The following DACH1 variants were observed in gnomAD, a reference collection of about 807,000 sequenced individuals.
DACH1 encodes the protein dachshund family transcription factor 1.
In DACH1, 12 loss-of-function variants were observed where a neutral mutation model predicts 54.2. The observed-to-expected ratio is 0.22, with a 90% CI of 0.14 to 0.36. DACH1 has a LOEUF of 0.36. Among genes scored for constraint, DACH1 ranks in the 10% least tolerant of loss-of-function variants. The pLI, the probability that DACH1 is intolerant of heterozygous loss-of-function variation, is 1.00. For missense variants in DACH1, 805 were observed against 929.8 expected (o/e 0.87, Z 1.75); for synonymous variants, 386 against 366.2 (o/e 1.05, Z -0.62).
chr13:71,779,647 CA>C (rs1273564231), intron 1 of DACH1, among the ~76,000 whole-genome samples: 1 of 151,994 alleles, frequency 6.6e-6, no homozygotes, highest in Non-Finnish European at 1.5e-5. Context: ...ATAACCACAC[CA>C]AACAAAAATA....
At chr13:71,857,651 T>A (rs1874089734) in intron 1 of DACH1, among the ~76,000 whole-genome samples, 1 of 151,768 alleles carries the variant, frequency 6.6e-6, no homozygotes. Flanking sequence ...CACAAGAACA[T>A]TCATCCTCAT....
chr13:71,638,258 T>C (rs1354060111), intron 2 of DACH1, among the ~76,000 whole-genome samples: 2 of 152,176 alleles, frequency 1.3e-5, no homozygotes, highest in Admixed American at 6.6e-5. Context: ...CTTATAAATA[T>C]CTCATCACTC....
chr13:71,826,650 TATA>T (rs1047964404), intron 1 of DACH1, among the ~76,000 whole-genome samples: 2 of 152,162 alleles, frequency 1.3e-5, no homozygotes, highest in African/African-American at 4.8e-5. Flanking sequence ...ATTAATTATA[TATA>T]ATGATGCCTA....
intron 6 of DACH1, among the ~76,000 whole-genome samples, chr13:71,552,870 GAGAGAGAGAGAAAGAGAC>G (rs1883967018): frequency 7.6e-6 from 1 of 131,542 alleles, no homozygotes; most frequent in Non-Finnish European, 1.6e-5. Flanking sequence ...GAGAGAGAGA[GAGAGAGAGAGAAAGAGAC>G]AGAACTAATA....
chr13:71,817,496 A>G (rs987993103), intron 1 of DACH1, among the ~76,000 whole-genome samples: 17 of 152,244 alleles, frequency 1.1e-4, no homozygotes, highest in African/African-American at 3.1e-4. Flanking sequence ...CTAGGGACAC[A>G]CCAGGGAACT....
intron 1 of DACH1, among the ~76,000 whole-genome samples, chr13:71,838,343 A>G (rs568647381): frequency 6.6e-6 from 1 of 152,328 alleles, no homozygotes; most frequent in South Asian, 2.1e-4. Flanking sequence ...AGAACAACAC[A>G]TTATTCTCCA....
chr13:71,669,099 ACT>A (rs1880055969), intron 2 of DACH1, among the ~76,000 whole-genome samples: 1 of 151,946 alleles, frequency 6.6e-6, no homozygotes, highest in Non-Finnish European at 1.5e-5. Context: ...TCATCATAAA[ACT>A]CTGAATCGGA....
intron 1 of DACH1, among the ~76,000 whole-genome samples, chr13:71,748,954 C>T (rs7983994): frequency 0.39 from 16,559 of 42,916 alleles, 2,337 homozygotes; most frequent in Non-Finnish European, 0.5. Flanking sequence ...CTTTCTTTCT[C>T]TCTTTCTTTC....
At chr13:71,666,994 A>G (rs1879885255) in intron 2 of DACH1, among the ~76,000 whole-genome samples, 1 of 152,116 alleles carries the variant, frequency 6.6e-6, no homozygotes, top group African/African-American at 2.4e-5. Context: ...TAAATAAATA[A>G]AAATAAAAAC....
chr13:71,461,528 A>G (rs1876074959), intron 10 of DACH1, among the ~76,000 whole-genome samples: 1 of 152,010 alleles, frequency 6.6e-6, no homozygotes, highest in South Asian at 2.1e-4. Flanking sequence ...TTGCATATAA[A>G]TATGTATTTG....
intron 1 of DACH1, among the ~76,000 whole-genome samples, chr13:71,688,507 A>G (rs1881302783): frequency 6.6e-6 from 1 of 152,084 alleles, no homozygotes; most frequent in East Asian, 1.9e-4. Flanking sequence ...ATGTGAACAT[A>G]TTTTCATTCT....
intron 6 of DACH1, among the ~76,000 whole-genome samples, chr13:71,490,539 T>A (rs1878892331): frequency 6.6e-6 from 1 of 152,184 alleles, no homozygotes; most frequent in Non-Finnish European, 1.5e-5. Flanking sequence ...AGACAGATGA[T>A]CTGAGGCAGC....
At chr13:71,625,852 A>T (rs1876605847) in intron 3 of DACH1, among the ~76,000 whole-genome samples, 1 of 151,906 alleles carries the variant, frequency 6.6e-6, no homozygotes, top group Non-Finnish European at 1.5e-5. Context: ...GAAGGTTATG[A>T]CTATGGTTTA....
intron 1 of DACH1, among the ~76,000 whole-genome samples, chr13:71,768,584 T>C (rs1460608089): frequency 2.6e-5 from 4 of 151,974 alleles, no homozygotes. Flanking sequence ...TCTACAGCCC[T>C]GAGCACACTG....
intron 1 of DACH1, among the ~76,000 whole-genome samples, chr13:71,832,028 C>T (rs1594276161): frequency 6.6e-6 from 1 of 151,928 alleles, no homozygotes; most frequent in East Asian, 1.9e-4. Context: ...CCTGCTGTGA[C>T]AACACTGTTG....
intron 2 of DACH1, among the ~76,000 whole-genome samples, chr13:71,643,458 T>G (rs925510564): frequency 1.3e-5 from 2 of 152,204 alleles, no homozygotes; most frequent in Non-Finnish European, 2.9e-5. Flanking sequence ...TTTCTCCCCT[T>G]TAAACAGCAT....
At position 71,555,804 on chromosome 13, in the gene DACH1, C is replaced by A. The variant is rs148726208; in HGVS notation, c.1570+1220G>T. 5.5e-3 allele frequency among the ~76,000 whole-genome samples: 840 copies of A among 152,168 alleles called. 10 individuals carry two copies. The highest frequency in any genetic ancestry group is 0.018 in the African/African-American group (754 of 41,526). On this transcript the variant is annotated intron_variant, in intron 6 of 10. Coordinates refer to ENST00000613252, the MANE Select transcript of DACH1 (RefSeq NM_080759.6). The stretch of plus-strand genomic sequence containing the variant: ...AGTTAAAAATTTAGAGACCATCTGA[C>A]CTAGTCGTGCACTGCATTCGAATGC...
At chr13:71,719,425 C>T (rs1300023224) in intron 1 of DACH1, among the ~76,000 whole-genome samples, 1 of 152,164 alleles carries the variant, frequency 6.6e-6, no homozygotes. Context: ...TAACACCCCA[C>T]ATTCTCACCA....
chr13:71,472,231 C>T (rs554931247), intron 10 of DACH1, among the ~76,000 whole-genome samples: 2 of 152,128 alleles, frequency 1.3e-5, no homozygotes, highest in Non-Finnish European at 2.9e-5. Context: ...ATCTACCCTG[C>T]GTACTATGAG....
Sources: gnomAD v4.1 joint callset for allele counts (sites outside exome capture counted in the v4.1 genomes callset) on GRCh38, gnomAD v4.1.1 for gene constraint, MANE v1.5 for transcripts, NCBI Gene and HGNC (gene_info 2026-07-23, HGNC 2026-07-21) for gene names.